Variants in B4GALT6 observed in about 807,000 individuals in gnomAD.
The protein encoded by B4GALT6 is beta-1,4-galactosyltransferase 6.
In B4GALT6, 14 loss-of-function variants were observed where a neutral mutation model predicts 46.3. The ratio of observed to expected loss-of-function variants is 0.30; its 90% CI spans 0.20 to 0.47. The LOEUF (loss-of-function observed/expected upper bound fraction) is 0.47, where lower values mean the gene tolerates loss of function less well. Among genes scored for constraint, B4GALT6 ranks in the 20% least tolerant of loss-of-function variants. The pLI is 0.99. For missense variants in B4GALT6, 386 were observed against 480.1 expected (o/e 0.80, Z 1.83); for synonymous variants, 168 against 162.0 (o/e 1.04, Z -0.28).
the B4GALT6 span, among the ~76,000 whole-genome samples, chr18:31,721,241 C>T: frequency 1.3e-5 from 2 of 152,092 alleles, no homozygotes; most frequent in South Asian, 2.1e-4. Flanking sequence ...ATATAAATGA[C>T]GAGTTGATGG....
Position 31,625,735 on chromosome 18 carries a change from T to C in B4GALT6, c.1028A>G (p.Glu343Gly). The change falls in exon 9 of 9, where the codon GAG becomes GGG. Residue 343 changes from glutamate (E) to glycine (G), a missense_variant. Coordinates refer to ENST00000306851, the MANE Select transcript of B4GALT6 (RefSeq NM_004775.5). ...GTTCAGTCCATCGATGTACTGACGC[T>C]CCTTGGAATACCTTAGTAATTTATA... ...GRYKLLRYSK[E>G]RQYIDGLNNL... 1.2e-6 allele frequency: 2 copies of C among 1,604,396 alleles called. No individual in the cohort carries two copies. Among genetic ancestry groups the C allele is most frequent in the Non-Finnish European group, 1.7e-6 (2 of 1,177,362 alleles).
rs1598856363 is a variant in B4GALT6, at chr18:31,624,118, A to G, written c.*1496T>C. The G allele has an allele frequency of 6.6e-6, 1 of 152,166 alleles. No individual in the cohort carries two copies. Among genetic ancestry groups the G allele is most frequent in the East Asian group, 1.9e-4 (1 of 5,188 alleles). 9.4% of individuals were successfully genotyped at this position (152,166 alleles called of 1,614,324 possible). ...AAAATTAAGATATGTACTTGATATC[A>G]GGTAGTAAGACCTTTTTTCAGAGAA... On this transcript the variant is annotated 3_prime_UTR_variant, in exon 9 of 9. Transcript: ENST00000306851.
At chr18:31,704,789 C>T in the B4GALT6 span, among the ~76,000 whole-genome samples, 2 of 152,018 alleles carry the variant, frequency 1.3e-5, no homozygotes, top group African/African-American at 4.8e-5. Context: ...CTCAAGTGTG[C>T]AATACATACA....
chr18:31,705,174 T>C, the B4GALT6 span, among the ~76,000 whole-genome samples: 1 of 152,236 alleles, frequency 6.6e-6, no homozygotes, highest in East Asian at 1.9e-4. Flanking sequence ...TGATTTAACA[T>C]ATTTAAATCT....
the B4GALT6 span, among the ~76,000 whole-genome samples, chr18:31,708,795 G>GA: frequency 6.6e-6 from 1 of 152,010 alleles, no homozygotes; most frequent in African/African-American, 2.4e-5. Context: ...GAGAAAATTA[G>GA]AAAAATGCAA....
intron 2 of B4GALT6, among the ~76,000 whole-genome samples, chr18:31,660,018 T>C (rs566017800): frequency 6.8e-6 from 1 of 147,826 alleles, no homozygotes; most frequent in African/African-American, 2.5e-5. Flanking sequence ...AGTGGCATGA[T>C]AATAGCTCAC....
chr18:31,657,872 C>T (rs2074160775), intron 3 of B4GALT6, 104 bp downstream of exon 3: 1 of 765,254 alleles, frequency 1.3e-6, no homozygotes, highest in Non-Finnish European at 2.2e-6. Context: ...AACATTTGCA[C>T]CCAGGTGCAC....
intron 3 of B4GALT6, among the ~76,000 whole-genome samples, chr18:31,646,603 C>T (rs2073993861): frequency 1.3e-5 from 2 of 152,240 alleles, no homozygotes; most frequent in Non-Finnish European, 2.9e-5. Flanking sequence ...GACCTCATCT[C>T]ATAAAATACA....
In B4GALT6 at chr18:31,624,656, A is replaced by G. The variant is rs2073663337; in HGVS notation, c.*958T>C. ...AACTGACTTGATTTCTTTTTAAATGAAGATACTTTTTTTTGGCTCTTCTGA... is the reference window on the plus strand; with the variant it reads ...AACTGACTTGATTTCTTTTTAAATGGAGATACTTTTTTTTGGCTCTTCTGA... On this transcript the variant is annotated 3_prime_UTR_variant, in exon 9 of 9. Transcript: ENST00000306851. 1 of 152,082 alleles carries G rather than the reference A, an allele frequency of 6.6e-6. No individual in the cohort carries two copies. Among genetic ancestry groups the G allele is most frequent in the African/African-American group, 2.4e-5 (1 of 41,438 alleles). 9.4% of individuals were successfully genotyped at this position (152,082 alleles called of 1,614,324 possible). A position where few individuals can be genotyped will look rare whatever the true frequency, so the allele number is the denominator to read the frequency against.
chr18:31,662,648 T>C (rs1567976135), intron 2 of B4GALT6, among the ~76,000 whole-genome samples: 2 of 152,190 alleles, frequency 1.3e-5, no homozygotes, highest in Non-Finnish European at 2.9e-5. Flanking sequence ...AAGACCATCC[T>C]GGCTAACACG....
At chr18:31,644,999 A>T (rs2073974901) in intron 4 of B4GALT6, among the ~76,000 whole-genome samples, 1 of 152,236 alleles carries the variant, frequency 6.6e-6, no homozygotes, top group Non-Finnish European at 1.5e-5. Flanking sequence ...TGCAGGTGTC[A>T]GTAATCATTA....
At chr18:31,720,376 C>T in the B4GALT6 span, among the ~76,000 whole-genome samples, 1 of 152,224 alleles carries the variant, frequency 6.6e-6, no homozygotes, top group African/African-American at 2.4e-5. Flanking sequence ...AGATTACCAG[C>T]AGGCTCCCTG....
At chr18:31,677,778 A>G (rs2074430504) in intron 1 of B4GALT6, among the ~76,000 whole-genome samples, 1 of 152,250 alleles carries the variant, frequency 6.6e-6, no homozygotes, top group Non-Finnish European at 1.5e-5. Context: ...GAAGGGAAAG[A>G]GGTGGGGACA....
chr18:31,707,395 G>A, the B4GALT6 span, among the ~76,000 whole-genome samples: 1 of 151,922 alleles, frequency 6.6e-6, no homozygotes, highest in Non-Finnish European at 1.5e-5. Context: ...CTTGAAAGAT[G>A]ATCATTTTAT....
chr18:31,701,841 TAA>T, the B4GALT6 span, among the ~76,000 whole-genome samples: 1 of 152,148 alleles, frequency 6.6e-6, no homozygotes, highest in Non-Finnish European at 1.5e-5. Flanking sequence ...TTGAAATGCA[TAA>T]GAGAGACAAA....
chr18:31,711,836 T>C, the B4GALT6 span, among the ~76,000 whole-genome samples: 1 of 152,184 alleles, frequency 6.6e-6, no homozygotes, highest in Non-Finnish European at 1.5e-5. Context: ...TAAACTCTTG[T>C]CTATTTATCT....
chr18:31,666,488 C>A (rs372944766), intron 1 of B4GALT6, 116 bp from the exon 2 acceptor site: 1 of 414,576 alleles, frequency 2.4e-6, no homozygotes, highest in African/African-American at 2.0e-5. Context: ...TCAATCAGCA[C>A]GTCCAAACGC....
At chr18:31,649,606 T>C (rs999417140) in intron 3 of B4GALT6, among the ~76,000 whole-genome samples, 2 of 132,152 alleles carry the variant, frequency 1.5e-5, no homozygotes, top group African/African-American at 5.5e-5. Flanking sequence ...GAGCAAAAGA[T>C]ACTAACTTCT....
chr18:31,695,428 A>G, the B4GALT6 span, among the ~76,000 whole-genome samples: 1 of 152,170 alleles, frequency 6.6e-6, no homozygotes, highest in African/African-American at 2.4e-5. Context: ...TACACTTGGG[A>G]CACAGCAGAA....
Sources: allele counts gnomAD v4.1 joint callset (sites outside exome capture counted in the v4.1 genomes callset), GRCh38; gene constraint gnomAD v4.1.1; transcripts MANE v1.5; gene names NCBI Gene and HGNC (gene_info 2026-07-23, HGNC 2026-07-21).